The following IL1RAPL1 variants were observed in gnomAD, a reference collection of about 807,000 sequenced individuals.
IL1RAPL1 encodes the protein interleukin 1 receptor accessory protein like 1.
A neutral mutation model predicts 48.4 loss-of-function variants in IL1RAPL1; 3 were observed. The ratio of observed to expected loss-of-function variants is 0.06; its 90% CI spans 0.03 to 0.16. The LOEUF (loss-of-function observed/expected upper bound fraction) is 0.16. IL1RAPL1 is among the 10% of genes least tolerant of loss of function. The pLI is 1.00. For missense variants in IL1RAPL1, 349 were observed against 530.6 expected, an observed-to-expected ratio of 0.66 and a Z score of 3.36; for synonymous variants, 185 against 187.7, an observed-to-expected ratio of 0.99 and a Z score of 0.12.
intron 6 of IL1RAPL1, among the ~76,000 whole-genome samples, chrX:29,873,536 T>G (rs1931844811): frequency 8.9e-6 from 1 of 111,769 alleles, no homozygotes; most frequent in East Asian, 2.8e-4. Context: ...TTCCGCCCTG[T>G]GATGACACAG....
At chrX:29,820,772 A>T (rs372836860) in intron 6 of IL1RAPL1, among the ~76,000 whole-genome samples, 1 of 112,161 alleles carries the variant, frequency 8.9e-6, no homozygotes, top group Non-Finnish European at 1.9e-5. Context: ...TCAAGTAAGT[A>T]TTAGAGTCAA....
chrX:28,930,475 A>G (rs1017578442), intron 2 of IL1RAPL1, among the ~76,000 whole-genome samples: 2 of 111,787 alleles, frequency 1.8e-5, no homozygotes, highest in South Asian at 7.3e-4. Flanking sequence ...ACATAGTGGC[A>G]CTTGATTTAA....
intron 1 of IL1RAPL1, among the ~76,000 whole-genome samples, chrX:28,757,703 T>G (rs775327063): frequency 3.6e-5 from 4 of 112,059 alleles, no homozygotes; most frequent in Non-Finnish European, 7.5e-5. Context: ...GAGGCTCCTA[T>G]TTCCAATTTG....
At chrX:29,285,173 G>C (rs1932262190) in intron 3 of IL1RAPL1, among the ~76,000 whole-genome samples, 1 of 110,742 alleles carries the variant, frequency 9.0e-6, no homozygotes, top group Non-Finnish European at 1.9e-5. Context: ...AAAACACTGA[G>C]GTTGCAATTC....
intron 6 of IL1RAPL1, among the ~76,000 whole-genome samples, chrX:29,740,122 G>GAAAAAAAAAAA (rs1172511347): frequency 9.6e-5 from 5 of 52,324 alleles, no homozygotes; most frequent in Non-Finnish European, 1.1e-4. Flanking sequence ...CAAAAAAACA[G>GAAAAAAAAAAA]AAAAAAAAAA....
chrX:28,600,135 T>G (rs1203901884), intron 1 of IL1RAPL1, among the ~76,000 whole-genome samples: 1 of 111,970 alleles, frequency 8.9e-6, no homozygotes, highest in Admixed American at 9.4e-5. Flanking sequence ...CAAGATCGTA[T>G]TTTTTCTCTC....
chrX:29,645,551 G>A (rs1222283061), intron 5 of IL1RAPL1, among the ~76,000 whole-genome samples: 3 of 111,077 alleles, frequency 2.7e-5, no homozygotes, highest in African/African-American at 9.8e-5. Context: ...ACCTATGTAC[G>A]GAGCCTTTAG....
intron 2 of IL1RAPL1, among the ~76,000 whole-genome samples, chrX:29,087,053 C>A (rs1016191727): frequency 9.0e-6 from 1 of 110,863 alleles, no homozygotes; most frequent in African/African-American, 3.3e-5. Context: ...TGCTCTGTCT[C>A]CAGAAATCTA....
chrX:29,538,312 A>G (rs1198524803), intron 5 of IL1RAPL1, among the ~76,000 whole-genome samples: 1 of 105,525 alleles, frequency 9.5e-6, no homozygotes, highest in Non-Finnish European at 1.9e-5. Flanking sequence ...TAATATATAT[A>G]ATCTTAAAGG....
At chrX:29,820,864 C>T (rs1469841462) in intron 6 of IL1RAPL1, among the ~76,000 whole-genome samples, 1 of 112,003 alleles carries the variant, frequency 8.9e-6, no homozygotes, top group Admixed American at 9.5e-5. Context: ...TAGTGGCATT[C>T]TCAGCCAACT....
chrX:29,047,957 C>G (rs1927011448), intron 2 of IL1RAPL1, among the ~76,000 whole-genome samples: 2 of 110,730 alleles, frequency 1.8e-5, no homozygotes, highest in Non-Finnish European at 3.8e-5. Flanking sequence ...CATTACATAC[C>G]ACCCTTGTAT....
chrX:29,429,894 G>GGTGTGT (rs1556011349), intron 5 of IL1RAPL1, among the ~76,000 whole-genome samples: 15 of 85,104 alleles, frequency 1.8e-4, no homozygotes, highest in African/African-American at 3.3e-4. Flanking sequence ...GTGTGTGTGT[G>GGTGTGT]GTGTGTGTGT....
At chrX:28,927,048 C>A (rs983805718) in intron 2 of IL1RAPL1, among the ~76,000 whole-genome samples, 1 of 111,075 alleles carries the variant, frequency 9.0e-6, no homozygotes, top group Non-Finnish European at 1.9e-5. Context: ...GTGCATGCCA[C>A]CACGCCTGGG....
At chrX:28,733,915 ATCC>A (rs1377819531) in intron 1 of IL1RAPL1, among the ~76,000 whole-genome samples, 1 of 111,908 alleles carries the variant, frequency 8.9e-6, no homozygotes, top group Non-Finnish European at 1.9e-5. Context: ...TAGAGCCAAT[ATCC>A]TCCTCAGAAC....
chrX:29,311,978 T>C, intron 3 of IL1RAPL1, among the ~76,000 whole-genome samples: 1 of 112,254 alleles, frequency 8.9e-6, no homozygotes, highest in South Asian at 3.7e-4. Flanking sequence ...TATTGAGTTA[T>C]ATCTAATGGG....
At chrX:28,760,738 T>A (rs1462834473) in intron 1 of IL1RAPL1, among the ~76,000 whole-genome samples, 3 of 111,037 alleles carry the variant, frequency 2.7e-5, no homozygotes, top group African/African-American at 9.8e-5. Context: ...GAAATGTAAA[T>A]CAAAACCACC....
chrX:29,381,833 A>AT (rs1556002319), intron 3 of IL1RAPL1, among the ~76,000 whole-genome samples: 341 of 24,451 alleles, frequency 0.014, no homozygotes, highest in South Asian at 0.039. Flanking sequence ...AAAAAAAAAA[A>AT]ATATATATAT....
chrX:28,671,034 T>G (rs964912381), intron 1 of IL1RAPL1, among the ~76,000 whole-genome samples: 19 of 112,253 alleles, frequency 1.7e-4, no homozygotes, highest in Non-Finnish European at 3.2e-4. Flanking sequence ...ATTCATGAAT[T>G]ACAGTTATAT....
intron 1 of IL1RAPL1, among the ~76,000 whole-genome samples, chrX:28,716,552 A>G (rs185622737): frequency 8.9e-6 from 1 of 111,914 alleles, no homozygotes; most frequent in Admixed American, 9.5e-5. Context: ...ACTTAAATGT[A>G]AAACCCAAAC....
Sources: allele counts gnomAD v4.1 joint callset (sites outside exome capture counted in the v4.1 genomes callset), GRCh38; gene constraint gnomAD v4.1.1; transcripts MANE v1.5; gene names NCBI Gene and HGNC (gene_info 2026-07-23, HGNC 2026-07-21).